Variants in IL7 observed in about 807,000 individuals in gnomAD.
IL7 encodes the protein interleukin-7.
Under a neutral mutation model 21.6 loss-of-function variants are expected in IL7, and 3 were observed. The ratio of observed to expected loss-of-function variants is 0.14; its 90% CI spans 0.06 to 0.36. The LOEUF (loss-of-function observed/expected upper bound fraction) is 0.36. IL7 is among the 10% of genes least tolerant of loss of function. IL7 has a pLI of 1.00. For synonymous variants in IL7, 62 were observed against 68.1 expected (o/e 0.91, Z 0.44); for missense variants, 175 against 200.2 (o/e 0.87, Z 0.76).
chr8:78,730,778 C>T (rs1811411982), downstream of IL7, among the ~76,000 whole-genome samples: 1 of 151,804 alleles, frequency 6.6e-6, no homozygotes, highest in African/African-American at 2.4e-5. Context: ...TTCAAATGAA[C>T]AGATTATTTA....
At chr8:78,803,504 C>G (rs1279069257) in intron 1 of IL7, among the ~76,000 whole-genome samples, 1 of 152,162 alleles carries the variant, frequency 6.6e-6, no homozygotes, top group Non-Finnish European at 1.5e-5. Flanking sequence ...TTCAGGAAGC[C>G]ATGCATTATA....
downstream of IL7, among the ~76,000 whole-genome samples, chr8:78,731,691 CATT>C (rs535971121): frequency 4.5e-4 from 69 of 152,042 alleles, 1 homozygote; most frequent in South Asian, 8.1e-3. Context: ...TCTCCCAAAT[CATT>C]ATTAGCCAAC....
chr8:78,731,054 A>G (rs1371804025), downstream of IL7, among the ~76,000 whole-genome samples: 1 of 152,000 alleles, frequency 6.6e-6, no homozygotes, highest in African/African-American at 2.4e-5. Context: ...TCTGACCTAC[A>G]GTACAAGATA....
chr8:78,738,176 T>C (rs1342876232), intron 4 of IL7, among the ~76,000 whole-genome samples: 3 of 152,190 alleles, frequency 2.0e-5, no homozygotes, highest in Non-Finnish European at 2.9e-5. Context: ...ATATATGGAT[T>C]AAAGCTATTA....
At chr8:78,802,921 C>T (rs1014402722) in intron 1 of IL7, among the ~76,000 whole-genome samples, 18 of 152,202 alleles carry the variant, frequency 1.2e-4, no homozygotes, top group Middle Eastern at 3.4e-3. Flanking sequence ...TACTTCCTGG[C>T]CAAACTGTGA....
chr8:78,739,370 G>A (rs1003424606), intron 3 of IL7, among the ~76,000 whole-genome samples: 5 of 152,256 alleles, frequency 3.3e-5, no homozygotes, highest in African/African-American at 1.2e-4. Flanking sequence ...ATGTGTGCAA[G>A]CATTCACATT....
chr8:78,758,031 TG>T (rs1211802801), intron 2 of IL7, among the ~76,000 whole-genome samples: 1 of 152,102 alleles, frequency 6.6e-6, no homozygotes, highest in Non-Finnish European at 1.5e-5. Flanking sequence ...ACACCATGAC[TG>T]TGAGACCTTC....
At chr8:78,701,131 A>G (rs1810589076) in intron 3 of IL7, among the ~76,000 whole-genome samples, 2 of 152,180 alleles carry the variant, frequency 1.3e-5, no homozygotes, top group African/African-American at 4.8e-5. Flanking sequence ...TGAGCATGGA[A>G]TATTTTTTCA....
At chr8:78,770,364 T>TA (rs56738683) in intron 2 of IL7, among the ~76,000 whole-genome samples, 62 of 151,866 alleles carry the variant, frequency 4.1e-4, no homozygotes, top group Non-Finnish European at 7.2e-4. Context: ...TAAACATTGG[T>TA]AAAAAAATAG....
chr8:78,796,721 T>C (rs1199747193), intron 2 of IL7, among the ~76,000 whole-genome samples: 1 of 151,942 alleles, frequency 6.6e-6, no homozygotes, highest in African/African-American at 2.4e-5. Flanking sequence ...GACAAGCCTA[T>C]TAAAATGGTT....
intron 2 of IL7, among the ~76,000 whole-genome samples, chr8:78,784,597 T>A (rs938380436): frequency 6.6e-6 from 1 of 152,122 alleles, no homozygotes; most frequent in African/African-American, 2.4e-5. Context: ...ACTCAGTCAG[T>A]CAATAAATAT....
chr8:78,712,267 G>A (rs562009287), intron 3 of IL7, among the ~76,000 whole-genome samples: 1 of 152,078 alleles, frequency 6.6e-6, no homozygotes, highest in Non-Finnish European at 1.5e-5. Context: ...AAAACATTTT[G>A]ATTTTTAGTA....
At chr8:78,747,140 G>A (rs1297410737) in intron 2 of IL7, 3 of 448,134 alleles carry the variant, frequency 6.7e-6, no homozygotes, top group Non-Finnish European at 1.3e-5. Flanking sequence ...TCAGTCTCAT[G>A]TCTCTTGCTA....
chr8:78,759,177 A>G (rs1365959258), intron 2 of IL7, among the ~76,000 whole-genome samples: 1 of 141,422 alleles, frequency 7.1e-6, no homozygotes, highest in Non-Finnish European at 1.5e-5. Context: ...TTTTAATTTC[A>G]TCCACTGAAT....
In IL7 at chr8:78,692,206, C is replaced by CT. The variant is rs1810233605; in HGVS notation, n.215-6260dup. Among the ~76,000 whole-genome samples, 3 of 152,136 alleles carry CT rather than the reference C, an allele frequency of 2.0e-5. No individual in the cohort carries two copies. The South Asian group carries it at 6.2e-4, about 32-fold the overall frequency. On this transcript the variant is annotated intron_variant and non_coding_transcript_variant, in intron 3 of 4. Transcript: ENST00000523959. The stretch of plus-strand genomic sequence containing the variant: ...TGTTCTTTCTTCCCTTTCCCCCTCC[C>CT]TTTAGCCTCTGGTACTACCATTCAG...
At chr8:78,759,916 C>T (rs372147803) in intron 2 of IL7, among the ~76,000 whole-genome samples, 26 of 152,078 alleles carry the variant, frequency 1.7e-4, no homozygotes, top group African/African-American at 5.3e-4. Context: ...ACAGAGATCA[C>T]GCAAAAGGAA....
At chr8:78,685,834 G>T (rs1809950707) in intron 4 of IL7, 1 of 152,228 alleles carries the variant, frequency 6.6e-6, no homozygotes, top group African/African-American at 2.4e-5. Context: ...TTCTGCTGCT[G>T]TAATAGAGTA....
chr8:78,684,847 A>T (rs1809912081), intron 4 of IL7, among the ~76,000 whole-genome samples: 1 of 152,140 alleles, frequency 6.6e-6, no homozygotes, highest in Admixed American at 6.5e-5. Flanking sequence ...ACTGAAAGAT[A>T]AAAATGAACT....
intron 4 of IL7, among the ~76,000 whole-genome samples, chr8:78,737,423 G>A (rs746000943): frequency 2.6e-5 from 4 of 152,040 alleles, no homozygotes; most frequent in Admixed American, 6.6e-5. Context: ...ATCTTGAGCC[G>A]AGCCTTGAAG....
Sources: allele counts gnomAD v4.1 joint callset (sites outside exome capture counted in the v4.1 genomes callset), GRCh38; gene constraint gnomAD v4.1.1; transcripts MANE v1.5; gene names NCBI Gene and HGNC (gene_info 2026-07-23, HGNC 2026-07-21).